The following DNAH7 variants were observed in gnomAD, a reference collection of about 807,000 sequenced individuals.
DNAH7 encodes the protein dynein axonemal heavy chain 7.
A neutral mutation model predicts 444.6 loss-of-function variants in DNAH7; 397 were observed. The ratio of observed to expected loss-of-function variants is 0.89; its 90% CI spans 0.82 to 0.97. DNAH7 has a LOEUF of 0.97. Ranked by LOEUF, DNAH7 falls within the 50% of genes least tolerant of loss-of-function variation. The pLI, the probability that DNAH7 is intolerant of heterozygous loss-of-function variation, is 0.00. For missense variants in DNAH7, 4,902 were observed against 4,800.8 expected, an observed-to-expected ratio of 1.02 and a Z score of -0.62; for synonymous variants, 1,636 against 1,624.4, an observed-to-expected ratio of 1.01 and a Z score of -0.17.
Position 196,049,059 on chromosome 2 carries a change from C to T in DNAH7, c.142-655G>A, listed in dbSNP as rs146690464. On this transcript the variant is annotated intron_variant, in intron 3 of 64. Coordinates refer to ENST00000312428, the MANE Select transcript of DNAH7 (RefSeq NM_018897.3). ...GAACACAAACCTACTGTTGCTGAAG[C>T]CTATGGTTCTTCAACAAACCCAGAC... Among the ~76,000 whole-genome samples, 24 of 152,216 alleles carry T rather than the reference C, an allele frequency of 1.6e-4. No individual in the cohort carries two copies. The East Asian group carries it at 4.6e-3, about 29-fold the overall frequency.
chr2:195,806,842 C>T lies in DNAH7; in HGVS notation c.10084-10G>A, dbSNP rs372505257. ...CCTCATGGTGTGGTTCCTAAAATTA[C>T]AGTGTAAATAATTCAGTTATTTTGG... On this transcript the variant is annotated splice_polypyrimidine_tract_variant and intron_variant, in intron 53 of 64. Transcript: ENST00000312428. 8.7e-6 allele frequency: 14 copies of T among 1,603,670 alleles called. No homozygotes were observed. Among genetic ancestry groups the T allele is most frequent in the Middle Eastern group, 1.7e-4 (1 of 6,056 alleles).
At chr2:195,980,779 A>C (rs1692521276) in intron 15 of DNAH7, among the ~76,000 whole-genome samples, 2 of 151,994 alleles carry the variant, frequency 1.3e-5, no homozygotes, top group African/African-American at 4.8e-5. Flanking sequence ...ATTGATGCTA[A>C]AAAAGCATTT....
At chr2:196,034,793 T>C (rs1225365488) in intron 5 of DNAH7, among the ~76,000 whole-genome samples, 1 of 152,328 alleles carries the variant, frequency 6.6e-6, no homozygotes, top group African/African-American at 2.4e-5. Flanking sequence ...AACATTTATA[T>C]GCCAAAAAAT....
chr2:195,840,707 T>C (rs918128487), intron 47 of DNAH7, among the ~76,000 whole-genome samples: 6 of 151,812 alleles, frequency 4.0e-5, no homozygotes, highest in South Asian at 2.1e-4. Context: ...TAATGAATAG[T>C]TGAACACAAT....
At chr2:195,898,138 G>A (rs75111704) in intron 28 of DNAH7, among the ~76,000 whole-genome samples, 2,311 of 152,182 alleles carry the variant, frequency 0.015, 61 homozygotes, top group African/African-American at 0.052. Flanking sequence ...TATTAAAAGT[G>A]GGCAATCATT....
intron 61 of DNAH7, among the ~76,000 whole-genome samples, chr2:195,762,894 C>T (rs950591574): frequency 1.3e-5 from 2 of 152,100 alleles, no homozygotes; most frequent in African/African-American, 4.8e-5. Flanking sequence ...TAGATACTTA[C>T]AGAACGTCTC....
chr2:195,853,280 T>G (rs986040492), intron 46 of DNAH7, 63 bp downstream of exon 46: 1 of 1,445,710 alleles, frequency 6.9e-7, no homozygotes. Context: ...AAACAAAACC[T>G]TGAAGGGTTA....
chr2:195,978,131 T>C (rs554134099), intron 15 of DNAH7, among the ~76,000 whole-genome samples: 126 of 152,004 alleles, frequency 8.3e-4, no homozygotes, highest in African/African-American at 2.9e-3. Flanking sequence ...GTGTGTAAAC[T>C]ATATATATAT....
chr2:195,841,360 A>AT (rs1374836204), intron 47 of DNAH7, among the ~76,000 whole-genome samples: 1 of 151,690 alleles, frequency 6.6e-6, no homozygotes, highest in African/African-American at 2.4e-5. Context: ...TATCAAACTT[A>AT]TTTTTCCCAG....
chr2:195,817,971 T>C, intron 49 of DNAH7, 142 bp from the exon 50 acceptor site: 1 of 568,096 alleles, frequency 1.8e-6, no homozygotes, highest in Non-Finnish European at 2.8e-6. Flanking sequence ...GTAGAGACTA[T>C]GATTAACGAC....
At chr2:195,978,781 A>G (rs10165463) in intron 15 of DNAH7, among the ~76,000 whole-genome samples, 1 of 152,166 alleles carries the variant, frequency 6.6e-6, no homozygotes. Flanking sequence ...AGCTACACGT[A>G]TATCAGAAAA....
At position 196,047,246 on chromosome 2, in the gene DNAH7, C is replaced by A. The variant is rs937464787; in HGVS notation, c.398+106G>T. Reference sequence around the variant, plus strand: ...TATACTCTGACCTCATTCCAACAAGCCTTTGAGGCACCCTTAGAGATGCAC... The same window carrying A: ...TATACTCTGACCTCATTCCAACAAGACTTTGAGGCACCCTTAGAGATGCAC... On this transcript the variant is annotated intron_variant, in intron 5 of 64. Transcript: ENST00000312428. 285 of 999,862 alleles carry A rather than the reference C, an allele frequency of 2.9e-4. 2 individuals carry two copies. The East Asian group carries it at 7.7e-3, about 27-fold the overall frequency. The allele number at this position is 999,862 out of a possible 1,614,324, so 61.9% of individuals were successfully genotyped here.
At chr2:195,804,312 T>C (rs1696609384) in intron 54 of DNAH7, among the ~76,000 whole-genome samples, 1 of 152,212 alleles carries the variant, frequency 6.6e-6, no homozygotes, top group Admixed American at 6.5e-5. Context: ...TTATCATACA[T>C]AGATTCCAAA....
intron 63 of DNAH7, among the ~76,000 whole-genome samples, chr2:195,752,285 A>G (rs1223771283): frequency 6.6e-6 from 1 of 151,898 alleles, no homozygotes; most frequent in East Asian, 1.9e-4. Flanking sequence ...AAAAAAAAAA[A>G]AAATTGTGGT....
intron 58 of DNAH7, among the ~76,000 whole-genome samples, chr2:195,785,646 G>GT (rs1159799234): frequency 4.3e-5 from 6 of 138,828 alleles, no homozygotes; most frequent in Admixed American, 2.1e-4. Context: ...TTTTTCAGAT[G>GT]TTTTTTCTGC....
At chr2:195,818,886 T>A (rs181171386) in intron 49 of DNAH7, among the ~76,000 whole-genome samples, 50 of 152,322 alleles carry the variant, frequency 3.3e-4, no homozygotes, top group Admixed American at 6.5e-4. Context: ...TTTTTAATAA[T>A]AAAGATGGCT....
chr2:195,819,939 C>T (rs981335054), intron 49 of DNAH7, among the ~76,000 whole-genome samples: 1 of 152,122 alleles, frequency 6.6e-6, no homozygotes, highest in East Asian at 1.9e-4. Flanking sequence ...GTTTTAAAAG[C>T]TCTCCAGGTG....
intron 57 of DNAH7, among the ~76,000 whole-genome samples, chr2:195,791,055 A>G (rs1695853954): frequency 6.6e-6 from 1 of 152,208 alleles, no homozygotes; most frequent in Non-Finnish European, 1.5e-5. Flanking sequence ...TTCTTAAAAG[A>G]AGACTTACAA....
chr2:195,969,783 T>C (rs1691719511), intron 17 of DNAH7, among the ~76,000 whole-genome samples, 165 bp downstream of exon 17: 1 of 152,224 alleles, frequency 6.6e-6, no homozygotes, highest in African/African-American at 2.4e-5. Context: ...ATACTGCTAT[T>C]CCTTGAAGCA....
Sources: allele counts gnomAD v4.1 joint callset (sites outside exome capture counted in the v4.1 genomes callset), GRCh38; gene constraint gnomAD v4.1.1; transcripts MANE v1.5; gene names NCBI Gene and HGNC (gene_info 2026-07-23, HGNC 2026-07-21).